ROBO2: variants seen among roughly 807,000 people sequenced by gnomAD.
ROBO2 encodes the protein roundabout homolog 2.
In ROBO2, 53 loss-of-function variants were observed where a neutral mutation model predicts 160.8. The observed-to-expected ratio is 0.33, with a 90% CI of 0.26 to 0.41. ROBO2 has a LOEUF of 0.41. ROBO2 is among the 10% of genes least tolerant of loss of function. The pLI is 1.00. For synonymous variants in ROBO2, 664 were observed against 611.7 expected, an observed-to-expected ratio of 1.09 and a Z score of -1.26; for missense variants, 1,577 against 1,722.4, an observed-to-expected ratio of 0.92 and a Z score of 1.49.
chr3:77,427,682 A>G (rs1668295214), intron 2 of ROBO2, among the ~76,000 whole-genome samples: 1 of 152,216 alleles, frequency 6.6e-6, no homozygotes, highest in Non-Finnish European at 1.5e-5. Context: ...AATTCATAAA[A>G]CAATTTTCCC....
At chr3:77,104,613 T>C (rs2072530259) in intron 2 of ROBO2, among the ~76,000 whole-genome samples, 1 of 152,124 alleles carries the variant, frequency 6.6e-6, no homozygotes, top group Admixed American at 6.6e-5. Context: ...AATTGTCGAG[T>C]CATATGGTAA....
chr3:76,894,900 A>G (rs1359175757), intron 2 of ROBO2, among the ~76,000 whole-genome samples: 3 of 152,160 alleles, frequency 2.0e-5, no homozygotes, highest in South Asian at 2.1e-4. Context: ...TTGTACTTGC[A>G]TGGAAGAACC....
chr3:76,327,249 GTATAACCTGA>G (rs1380512131), intron 2 of ROBO2, among the ~76,000 whole-genome samples: 12 of 152,092 alleles, frequency 7.9e-5, no homozygotes, highest in African/African-American at 1.9e-4. Flanking sequence ...ATAAAATATA[GTATAACCTGA>G]TATAACCTGA....
chr3:76,266,307 A>G (rs1707096395), intron 2 of ROBO2, among the ~76,000 whole-genome samples: 1 of 152,172 alleles, frequency 6.6e-6, no homozygotes, highest in African/African-American at 2.4e-5. Context: ...TTTTAAAATC[A>G]AGGGTTGACA....
chr3:77,424,442 T>G (rs1284314568), intron 2 of ROBO2, among the ~76,000 whole-genome samples: 1 of 152,206 alleles, frequency 6.6e-6, no homozygotes, highest in Non-Finnish European at 1.5e-5. Context: ...TTTCTTATTT[T>G]GATATAAGAT....
intron 2 of ROBO2, among the ~76,000 whole-genome samples, chr3:77,442,098 G>C (rs143036271): frequency 6.6e-6 from 1 of 152,046 alleles, no homozygotes; most frequent in Non-Finnish European, 1.5e-5. Flanking sequence ...GGATCACGAG[G>C]TCAGGAAATC....
rs189093312 is a variant in ROBO2, at chr3:75,909,906, T to C, written c.-14+2946T>C. On this transcript the variant is annotated intron_variant, in intron 1 of 26. Transcript: ENST00000487694. ...AGAAATATTATTCTACAGACATTCC[T>C]GAGCAAGAGGGCTTTGCATATACAT... Among the ~76,000 whole-genome samples, 14 of 152,324 alleles carry C rather than the reference T, an allele frequency of 9.2e-5. No homozygotes were observed. The East Asian group carries it at 2.5e-3, about 27-fold the overall frequency.
At chr3:76,878,859 G>A (rs905432682) in intron 2 of ROBO2, among the ~76,000 whole-genome samples, 2 of 152,028 alleles carry the variant, frequency 1.3e-5, no homozygotes, top group African/African-American at 4.8e-5. Context: ...AACAAACAGG[G>A]TTAATGTTCA....
At chr3:77,482,985 C>T (rs932691043) in intron 4 of ROBO2, among the ~76,000 whole-genome samples, 3 of 152,092 alleles carry the variant, frequency 2.0e-5, no homozygotes, top group African/African-American at 7.2e-5. Flanking sequence ...AATATTTACT[C>T]TACTTTCCCT....
chr3:76,689,558 T>G (rs1183572997), intron 2 of ROBO2, among the ~76,000 whole-genome samples: 1 of 152,174 alleles, frequency 6.6e-6, no homozygotes, highest in African/African-American at 2.4e-5. Context: ...GTCTCCTACT[T>G]CTGCACACAA....
intron 2 of ROBO2, among the ~76,000 whole-genome samples, chr3:76,690,779 A>G (rs564196710): frequency 9.1e-4 from 139 of 152,218 alleles, no homozygotes; most frequent in African/African-American, 3.1e-3. Flanking sequence ...ATTAGATATT[A>G]TTTTACCAAA....
intron 2 of ROBO2, among the ~76,000 whole-genome samples, chr3:77,212,206 A>G (rs370630367): frequency 6.6e-6 from 1 of 152,188 alleles, no homozygotes; most frequent in East Asian, 1.9e-4. Flanking sequence ...CCTACCCATG[A>G]GCATGGAATG....
intron 2 of ROBO2, among the ~76,000 whole-genome samples, chr3:77,429,420 C>T (rs1399481765): frequency 6.6e-6 from 1 of 152,072 alleles, no homozygotes; most frequent in Non-Finnish European, 1.5e-5. Context: ...TGATATTTCT[C>T]CCCTTCCTCA....
At chr3:77,149,319 G>A (rs771136570) in intron 2 of ROBO2, among the ~76,000 whole-genome samples, 1 of 152,140 alleles carries the variant, frequency 6.6e-6, no homozygotes, top group Non-Finnish European at 1.5e-5. Flanking sequence ...ACAGGCATGA[G>A]CCACTGCACC....
chr3:76,815,780 A>G (rs778297787), intron 2 of ROBO2, among the ~76,000 whole-genome samples: 4 of 152,054 alleles, frequency 2.6e-5, no homozygotes, highest in African/African-American at 9.7e-5. Flanking sequence ...GGTAACAACT[A>G]TAATGATCTG....
chr3:76,764,038 G>T (rs116596673), intron 2 of ROBO2, among the ~76,000 whole-genome samples: 1 of 151,616 alleles, frequency 6.6e-6, no homozygotes, highest in African/African-American at 2.4e-5. Context: ...AAGAATCTTC[G>T]TTTTATACTT....
In ROBO2 at chr3:77,359,856, G is replaced by A. The variant is rs116009165; in HGVS notation, c.389-117558G>A. Among the ~76,000 whole-genome samples the A allele has an allele frequency of 2.0e-3, 299 of 151,944 alleles. 4 individuals are homozygous for A. The highest frequency in any genetic ancestry group is 6.5e-3 in the African/African-American group (271 of 41,444). ...ACCACACTCACCAAATATTTTTATC[G>A]TTTATTTTCTGTAGAGACTGGGTTT... On this transcript the variant is annotated intron_variant, in intron 2 of 25. Transcript: ENST00000461745.
chr3:77,311,041 T>A (rs1419254751), intron 2 of ROBO2, among the ~76,000 whole-genome samples: 1 of 152,150 alleles, frequency 6.6e-6, no homozygotes, highest in East Asian at 1.9e-4. Context: ...TGTGGGTAGG[T>A]TTAAATTTAT....
chr3:77,255,802 T>G (rs1250080639), intron 2 of ROBO2, among the ~76,000 whole-genome samples: 2 of 152,210 alleles, frequency 1.3e-5, no homozygotes, highest in Non-Finnish European at 2.9e-5. Flanking sequence ...AGAAAAAATT[T>G]TAATCTATTC....
Sources: gnomAD v4.1 joint callset for allele counts (sites outside exome capture counted in the v4.1 genomes callset) on GRCh38, gnomAD v4.1.1 for gene constraint, MANE v1.5 for transcripts, NCBI Gene and HGNC (gene_info 2026-07-23, HGNC 2026-07-21) for gene names.